The following IQSEC2 variants were observed in gnomAD, a reference collection of about 807,000 sequenced individuals.
IQSEC2 encodes the protein IQ motif and SEC7 domain-containing protein 2.
In IQSEC2, 6 loss-of-function variants were observed where a neutral mutation model predicts 74.6. The observed-to-expected ratio is 0.08, with a 90% confidence interval of 0.04 to 0.16. The LOEUF is 0.16. IQSEC2 is among the 10% of genes least tolerant of loss of function. The pLI, the probability that IQSEC2 is intolerant of heterozygous loss-of-function variation, is 1.00. For synonymous variants in IQSEC2, 494 were observed against 544.5 expected (o/e 0.91, Z 1.29); for missense variants, 734 against 1,306.2 (o/e 0.56, Z 6.75).
At chrX:53,310,761 C>T (rs782739492) in intron 1 of IQSEC2, among the ~76,000 whole-genome samples, 11 of 110,861 alleles carry the variant, frequency 9.9e-5, no homozygotes, top group African/African-American at 3.3e-4. Flanking sequence ...AATGAAGCCA[C>T]GTAAGACAAA....
chrX:53,317,347 G>C (rs782732273), intron 1 of IQSEC2, among the ~76,000 whole-genome samples: 1 of 111,834 alleles, frequency 8.9e-6, no homozygotes, highest in African/African-American at 3.2e-5. Flanking sequence ...TGGCATCCTG[G>C]AACCTGTCCA....
chrX:53,239,174 G>A, intron 11 of IQSEC2, 21 bp downstream of exon 11: 1 of 1,110,418 alleles, frequency 9.0e-7, no homozygotes, highest in South Asian at 1.8e-5. Context: ...CTCAGGAGCT[G>A]GGATCCAAGA....
chrX:53,289,118 G>A (rs4830365), intron 2 of IQSEC2, among the ~76,000 whole-genome samples: 1,578 of 102,655 alleles, frequency 0.015, 88 homozygotes, highest in Admixed American at 0.14. Flanking sequence ...TAAAAGCCCA[G>A]GCCTAGCGCC....
At chrX:53,273,821 T>C (rs1365154642) in intron 2 of IQSEC2, among the ~76,000 whole-genome samples, 1 of 112,377 alleles carries the variant, frequency 8.9e-6, no homozygotes, top group Non-Finnish European at 1.9e-5. Flanking sequence ...GGGTATATCA[T>C]GGACTAAGAT....
At chrX:53,290,580 C>T (rs1364133311) in intron 2 of IQSEC2, among the ~76,000 whole-genome samples, 2 of 111,675 alleles carry the variant, frequency 1.8e-5, no homozygotes, top group Non-Finnish European at 3.8e-5. Flanking sequence ...CCATGACATG[C>T]TCCTTGGCTG....
chrX:53,229,536 T>C (rs1289641760), downstream of IQSEC2: 5 of 109,216 alleles, frequency 4.6e-5, no homozygotes, highest in Non-Finnish European at 9.5e-5. Context: ...CCTCCATCTC[T>C]ACAAAAAATT....
intron 1 of IQSEC2, among the ~76,000 whole-genome samples, chrX:53,319,735 CT>C (rs1556879783): frequency 1.8e-5 from 2 of 111,736 alleles, no homozygotes; most frequent in Non-Finnish European, 3.8e-5. Context: ...GCAATCTAGA[CT>C]TCCCTTCCCG....
chrX:53,281,860 G>A (rs1177850302), intron 2 of IQSEC2, among the ~76,000 whole-genome samples: 12 of 111,894 alleles, frequency 1.1e-4, no homozygotes, highest in African/African-American at 2.0e-4. Flanking sequence ...ACAGAAAATT[G>A]AGATGGAGAG....
At chrX:53,251,269 A>C in intron 4 of IQSEC2, 95 bp from the exon 5 acceptor site, 5 of 904,163 alleles carry the variant, frequency 5.5e-6, no homozygotes, top group Non-Finnish European at 7.8e-6. Context: ...GAGGGAGGTA[A>C]GGAAAAAGGG....
chrX:53,280,169 C>T (rs1403587649), intron 2 of IQSEC2, among the ~76,000 whole-genome samples: 1 of 77,146 alleles, frequency 1.3e-5, no homozygotes, highest in Non-Finnish European at 2.3e-5. Context: ...CCAGACGCCA[C>T]AGGGGTAGGG....
At chrX:53,296,600 G>A (rs989111721) in intron 1 of IQSEC2, among the ~76,000 whole-genome samples, 5 of 109,736 alleles carry the variant, frequency 4.6e-5, no homozygotes, top group African/African-American at 1.0e-4. Context: ...TCACTCTGTC[G>A]CCCAGGCTGG....
At chrX:53,314,992 G>A (rs1460855655) in intron 1 of IQSEC2, among the ~76,000 whole-genome samples, 1 of 111,839 alleles carries the variant, frequency 8.9e-6, no homozygotes, top group Non-Finnish European at 1.9e-5. Context: ...GGGAGGCAGC[G>A]GTGTACCATA....
At chrX:53,261,492 GCACACA>G (rs3045180) in intron 2 of IQSEC2, among the ~76,000 whole-genome samples, 3 of 100,668 alleles carry the variant, frequency 3.0e-5, no homozygotes, top group East Asian at 6.3e-4. Flanking sequence ...ATCTGCATGT[GCACACA>G]CACACACACA....
chrX:53,256,068 G>T lies in IQSEC2; in HGVS notation c.738-7C>A. 8.6e-7 allele frequency: 1 copy of T among 1,160,485 alleles called. No homozygotes were observed. Among genetic ancestry groups the T allele is most frequent in the East Asian group, 3.0e-5 (1 of 33,158 alleles). The stretch of plus-strand genomic sequence containing the variant: ...TGGGGCATCACCCTCCACACTGTGG[G>T]GATGAGATAAGATGAGCCAGGATGT... On this transcript the variant is annotated splice_region_variant and splice_polypyrimidine_tract_variant and intron_variant, in intron 2 of 14. Coordinates refer to ENST00000642864, the MANE Select transcript of IQSEC2 (RefSeq NM_001111125.3).
intron 10 of IQSEC2, chrX:53,239,536 TA>T (rs1390156490): frequency 2.8e-6 from 1 of 351,778 alleles, no homozygotes; most frequent in East Asian, 5.2e-5. Context: ...TTCCAGAAAC[TA>T]ACTGAATCCT....
At chrX:53,250,084 C>A (rs2074362159) in intron 5 of IQSEC2, among the ~76,000 whole-genome samples, 195 bp downstream of exon 5, 1 of 111,642 alleles carries the variant, frequency 9.0e-6, no homozygotes, top group African/African-American at 3.3e-5. Flanking sequence ...GGGACCCGAG[C>A]CCAGGTGTGT....
At chrX:53,266,403 T>A in intron 2 of IQSEC2, 1 of 753,651 alleles carries the variant, frequency 1.3e-6, no homozygotes, top group Non-Finnish European at 1.6e-6. Context: ...TTCCTCCTGA[T>A]AATATTTACA....
intron 1 of IQSEC2, among the ~76,000 whole-genome samples, chrX:53,307,191 G>A (rs1010936554): frequency 2.7e-5 from 3 of 109,555 alleles, no homozygotes; most frequent in Admixed American, 9.8e-5. Flanking sequence ...CTGCCAGCTC[G>A]CCAAAATGAA....
intron 1 of IQSEC2, among the ~76,000 whole-genome samples, chrX:53,292,635 A>C (rs1280365746): frequency 1.8e-5 from 2 of 111,810 alleles, no homozygotes; most frequent in Non-Finnish European, 3.8e-5. Flanking sequence ...TTAGAGGCAA[A>C]AGAAGGGCGA....
Sources: gnomAD v4.1 joint callset for allele counts (sites outside exome capture counted in the v4.1 genomes callset) on GRCh38, gnomAD v4.1.1 for gene constraint, MANE v1.5 for transcripts, NCBI Gene and HGNC (gene_info 2026-07-23, HGNC 2026-07-21) for gene names.